Variants in OPRM1 observed in about 807,000 individuals in gnomAD.
The protein encoded by OPRM1 is mu-type opioid receptor.
A neutral mutation model predicts 31.8 loss-of-function variants in OPRM1; 27 were observed. That is an observed-to-expected ratio of 0.85 (90% CI 0.63 to 1.17). The LOEUF (loss-of-function observed/expected upper bound fraction) is 1.17. Among genes scored for constraint, OPRM1 ranks in the 50% most tolerant of loss-of-function variants. OPRM1 has a pLI of 0.00. For synonymous variants in OPRM1, 196 were observed against 189.9 expected (o/e 1.03, Z -0.26); for missense variants, 536 against 511.1 (o/e 1.05, Z -0.47).
upstream of OPRM1, among the ~76,000 whole-genome samples, chr6:154,038,641 A>G (rs17174634): frequency 1.6e-3 from 248 of 152,344 alleles, no homozygotes; most frequent in Non-Finnish European, 3.2e-3. Flanking sequence ...TGAAAGATCA[A>G]CATTATCTTT....
intron 3 of OPRM1, among the ~76,000 whole-genome samples, chr6:154,221,661 C>T (rs1390158510): frequency 6.6e-6 from 1 of 152,036 alleles, no homozygotes; most frequent in Non-Finnish European, 1.5e-5. Flanking sequence ...ATCACGAGGT[C>T]AGGAGATCGA....
intron 3 of OPRM1, among the ~76,000 whole-genome samples, chr6:154,096,417 T>C (rs1428183719): frequency 1.3e-5 from 2 of 152,038 alleles, no homozygotes; most frequent in Admixed American, 1.3e-4. Flanking sequence ...TAGCATTATA[T>C]GGGGAAAAAA....
intron 3 of OPRM1, among the ~76,000 whole-genome samples, chr6:154,173,527 A>G (rs1306337939): frequency 6.6e-6 from 1 of 152,222 alleles, no homozygotes; most frequent in African/African-American, 2.4e-5. Flanking sequence ...TGAAGCATAC[A>G]CAAGCTTCAA....
chr6:154,109,792 C>CTCTGTGTG (rs1358444421), intron 3 of OPRM1, among the ~76,000 whole-genome samples: 17 of 101,280 alleles, frequency 1.7e-4, no homozygotes, highest in African/African-American at 6.5e-4. Flanking sequence ...CTCTCTCTCT[C>CTCTGTGTG]TGTGTGTGTG....
At chr6:154,025,631 G>A (rs1355488337) in intron 1 of OPRM1, among the ~76,000 whole-genome samples, 3 of 151,838 alleles carry the variant, frequency 2.0e-5, no homozygotes, top group Admixed American at 1.3e-4. Flanking sequence ...CTGCCTTTCA[G>A]TGAAGGTAAT....
At chr6:154,214,404 A>C in intron 3 of OPRM1, 1 of 752,208 alleles carries the variant, frequency 1.3e-6, no homozygotes, top group Non-Finnish European at 2.4e-6. Flanking sequence ...CAGAAAGAGC[A>C]TAAGTTTGTG....
chr6:154,240,692 T>C (rs1207807042), intron 3 of OPRM1, among the ~76,000 whole-genome samples: 1 of 152,236 alleles, frequency 6.6e-6, no homozygotes, highest in Non-Finnish European at 1.5e-5. Flanking sequence ...TCAAGAAATA[T>C]GCCTTCCAAA....
At position 154,119,034 on chromosome 6, in the gene OPRM1, A is replaced by G; in HGVS notation, c.*313A>G. On this transcript the variant is annotated 3_prime_UTR_variant, in exon 4 of 4. Coordinates refer to ENST00000330432, the MANE Select transcript of OPRM1 (RefSeq NM_000914.5). ...AAAAGGTGACCCTTCTGTCTGTAAGATTTTATTTTCAAGCAAATATTTATG... is the reference window on the plus strand; with the variant it reads ...AAAAGGTGACCCTTCTGTCTGTAAGGTTTTATTTTCAAGCAAATATTTATG... The G allele has an allele frequency of 1.8e-6, 2 of 1,093,114 alleles. No individual in the cohort carries two copies. Among genetic ancestry groups the G allele is most frequent in the Non-Finnish European group, 2.2e-6 (2 of 899,374 alleles). 67.7% of individuals were successfully genotyped at this position (1,093,114 alleles called of 1,614,324 possible).
At chr6:154,147,155 G>A (rs1798379578) in intron 3 of OPRM1, among the ~76,000 whole-genome samples, 1 of 152,198 alleles carries the variant, frequency 6.6e-6, no homozygotes, top group Non-Finnish European at 1.5e-5. Flanking sequence ...TGGAGGACAA[G>A]GCAATGGGGA....
At chr6:154,141,687 G>A (rs920520347) in intron 3 of OPRM1, among the ~76,000 whole-genome samples, 15 of 152,302 alleles carry the variant, frequency 9.8e-5, no homozygotes, top group South Asian at 2.1e-4. Context: ...GCAGGACAAC[G>A]CGAAGCGGGC....
At chr6:154,114,349 G>T (rs1796638820) in intron 3 of OPRM1, among the ~76,000 whole-genome samples, 1 of 152,086 alleles carries the variant, frequency 6.6e-6, no homozygotes, top group African/African-American at 2.4e-5. Flanking sequence ...GCCTTTCTGG[G>T]ACTTCATGTG....
chr6:154,040,590 G>A (rs1020918854), intron 1 of OPRM1, among the ~76,000 whole-genome samples: 8 of 152,214 alleles, frequency 5.3e-5, no homozygotes, highest in African/African-American at 1.7e-4. Flanking sequence ...GGGTAGGTTG[G>A]TTCAGGAGAA....
chr6:154,078,598 T>C lies in OPRM1; in HGVS notation c.291-11228T>C, dbSNP rs1178267831. On this transcript the variant is annotated intron_variant, in intron 1 of 3. Transcript: ENST00000330432. ...TGAAAAACACATCCTAGGCTGCATG[T>C]GGCAGCTCACACCTATAATCCCAGC... 2.6e-5 allele frequency among the ~76,000 whole-genome samples: 4 copies of C among 152,346 alleles called. No individual in the cohort carries two copies. The East Asian group carries it at 7.7e-4, about 29-fold the overall frequency.
intron 3 of OPRM1, among the ~76,000 whole-genome samples, chr6:154,177,349 G>A (rs201613715): frequency 6.6e-6 from 1 of 152,128 alleles, no homozygotes; most frequent in East Asian, 1.9e-4. Context: ...AAGTGAACAG[G>A]CAACCTACAG....
rs1486319729 is a variant in OPRM1, at chr6:154,123,875, G to A, written c.*5154G>A. The stretch of plus-strand genomic sequence containing the variant: ...ATCTTGGTTTTAGTGGGGTTTGGCC[G>A]GCTTCTTTACCACATCCTTTTATCA... On this transcript the variant is annotated 3_prime_UTR_variant, in exon 4 of 4. Coordinates refer to ENST00000330432, the MANE Select transcript of OPRM1 (RefSeq NM_000914.5). Among the ~76,000 whole-genome samples, 3 of 152,076 alleles carry A rather than the reference G, an allele frequency of 2.0e-5. No individual in the cohort carries two copies. The highest frequency in any genetic ancestry group is 4.4e-5 in the Non-Finnish European group (3 of 68,008).
Position 154,188,539 on chromosome 6 carries a change from C to T in OPRM1, c.1165-58154C>T, listed in dbSNP as rs555204021. ...GTGTGGGTAATTTCACTGGGTGATT[C>T]TAAAAGGTATATGGAGGTTAAAATG... On this transcript the variant is annotated intron_variant, in intron 3 of 3. Coordinates refer to the OPRM1 transcript ENST00000337049. 2.0e-5 allele frequency among the ~76,000 whole-genome samples: 3 copies of T among 152,258 alleles called. No homozygotes were observed. In the East Asian group the frequency reaches 5.8e-4, roughly 29 times the overall value.
At chr6:154,147,701 A>G (rs1798394474) in intron 3 of OPRM1, among the ~76,000 whole-genome samples, 1 of 152,178 alleles carries the variant, frequency 6.6e-6, no homozygotes, top group Non-Finnish European at 1.5e-5. Flanking sequence ...AGTGCCACTG[A>G]TCTCCTACCA....
chr6:154,176,346 TAAAGTGTATTC>T (rs1176636118), intron 3 of OPRM1, among the ~76,000 whole-genome samples: 2 of 152,132 alleles, frequency 1.3e-5, no homozygotes, highest in African/African-American at 4.8e-5. Flanking sequence ...GAGAAAGAAA[TAAAGTGTATTC>T]AATTAGGAAA....
rs1799581673 is a variant in OPRM1 at position 154,168,142 on chromosome 6, A to G, written c.1164+76670A>G. On this transcript the variant is annotated intron_variant, in intron 3 of 3. Transcript: ENST00000337049. The surrounding 1 kb of genome is among the most constrained non-coding windows in gnomAD (Gnocchi z 4.1). ...TTTGAAAAAAAAAAAGAAAGCAGTA[A>G]CAATAAACCCAGTGAAAAATCAAGG... 1 of 1,493,634 alleles carries G rather than the reference A, an allele frequency of 6.7e-7. No homozygotes were observed. 92.5% of individuals were successfully genotyped at this position (1,493,634 alleles called of 1,614,324 possible).
Sources: gnomAD v4.1 joint callset for allele counts (sites outside exome capture counted in the v4.1 genomes callset) on GRCh38, gnomAD v4.1.1 for gene constraint, Gnocchi (gnomAD v3.1) non-coding constraint, MANE v1.5 for transcripts, NCBI Gene and HGNC (gene_info 2026-07-23, HGNC 2026-07-21) for gene names.